The following RAMACL variants were observed in gnomAD, a reference collection of about 807,000 sequenced individuals.
RAMACL encodes the protein RNA guanine-7 methyltransferase activating subunit like, also known as RNA guanine-N7 methyltransferase-activating subunit-like protein.
A neutral mutation model predicts 13.4 loss-of-function variants in RAMACL; 9 were observed. The ratio of observed to expected loss-of-function variants is 0.67; its 90% CI spans 0.41 to 1.17. The LOEUF (loss-of-function observed/expected upper bound fraction) is 1.17. Ranked by LOEUF, RAMACL falls within the 50% of genes most tolerant of loss-of-function variation. The pLI is 0.01. For missense variants in RAMACL, 124 were observed against 141.6 expected (o/e 0.88, Z 0.63); for synonymous variants, 39 against 49.3 (o/e 0.79, Z 0.88).
chr6:166,585,769 G>C (rs889081932), exon 1 of RAMACL, among the ~76,000 whole-genome samples: 1 of 68,528 alleles, frequency 1.5e-5, no homozygotes, highest in Non-Finnish European at 2.4e-5. Context: ...TAAGCATATG[G>C]ATACTCTCTT....
At chr6:166,583,851 T>C (rs932923488), downstream of RAMACL, among the ~76,000 whole-genome samples, 1 of 152,212 alleles carries the variant, frequency 6.6e-6, no homozygotes, top group Admixed American at 6.5e-5. Context: ...TTTACTTCCA[T>C]GGGTTCTATC....
At chr6:166,583,240 T>C (rs733591), downstream of RAMACL, among the ~76,000 whole-genome samples, 87,933 of 152,056 alleles carry the variant, frequency 0.58, 26,688 homozygotes, top group African/African-American at 0.76. Flanking sequence ...GAAAGCACAC[T>C]GCCTCATCCA....
downstream of RAMACL, among the ~76,000 whole-genome samples, chr6:166,584,234 C>T (rs866516924): frequency 3.3e-5 from 5 of 152,202 alleles, no homozygotes; most frequent in African/African-American, 9.7e-5. Context: ...CTTCTTGCAG[C>T]GCCCTTTCGT....
exon 1 of RAMACL, chr6:166,586,052 C>T: frequency 1.3e-6 from 1 of 795,078 alleles, no homozygotes; most frequent in Non-Finnish European, 1.8e-6. Context: ...CTATGACCAA[C>T]AGAAGACACC....
downstream of RAMACL, among the ~76,000 whole-genome samples, chr6:166,585,498 C>CTTTTTTTTTTTTTTTTTT (rs58153048): frequency 2.3e-5 from 2 of 86,306 alleles, no homozygotes; most frequent in Non-Finnish European, 3.9e-5. Flanking sequence ...TCAAACAAGT[C>CTTTTTTTTTTTTTTTTTT]TTTTTTTTTT....
downstream of RAMACL, among the ~76,000 whole-genome samples, chr6:166,583,896 A>T (rs1468613407): frequency 6.6e-6 from 1 of 152,236 alleles, no homozygotes; most frequent in Non-Finnish European, 1.5e-5. Context: ...AACACAGTCA[A>T]CACAGTTGCT....
chr6:166,583,207 A>C (rs574521845), downstream of RAMACL, among the ~76,000 whole-genome samples: 18 of 152,246 alleles, frequency 1.2e-4, no homozygotes, highest in Non-Finnish European at 2.6e-4. Flanking sequence ...GTGAGCTAAA[A>C]GTGCTGAATT....
exon 1 of RAMACL, chr6:166,586,504 G>A: frequency 1.3e-6 from 2 of 1,582,438 alleles, no homozygotes; most frequent in South Asian, 1.1e-5. Context: ...GTTTGAGGCA[G>A]CTGTATTGCT....
downstream of RAMACL, among the ~76,000 whole-genome samples, chr6:166,583,525 C>T (rs979339270): frequency 6.6e-6 from 1 of 152,208 alleles, no homozygotes; most frequent in East Asian, 1.9e-4. Context: ...TGCTGAAACA[C>T]TGCGGAAGTC....
downstream of RAMACL, among the ~76,000 whole-genome samples, chr6:166,585,424 T>C (rs993041271): frequency 2.6e-5 from 4 of 152,048 alleles, no homozygotes; most frequent in Non-Finnish European, 5.9e-5. Context: ...CACATTTACT[T>C]ATAATTGTGT....
exon 1 of RAMACL, among the ~76,000 whole-genome samples, chr6:166,585,624 C>T (rs1249603342): frequency 2.1e-5 from 1 of 48,380 alleles, no homozygotes; most frequent in Admixed American, 2.8e-4. Flanking sequence ...AGTCACTTAA[C>T]AAATGCAAAA....
downstream of RAMACL, among the ~76,000 whole-genome samples, chr6:166,584,368 T>C (rs1225561156): frequency 1.3e-5 from 2 of 152,212 alleles, no homozygotes; most frequent in South Asian, 2.1e-4. Context: ...TTTCTCCACA[T>C]AGAATCACAC....
At chr6:166,586,230 T>C (rs909569868) in exon 1 of RAMACL, 8 of 1,593,612 alleles carry the variant, frequency 5.0e-6, no homozygotes, top group Non-Finnish European at 6.8e-6. Context: ...GGATCGTCCA[T>C]GCCACTGATT....
At chr6:166,586,158 T>C (rs1583302820) in exon 1 of RAMACL, 4 of 1,558,830 alleles carry the variant, frequency 2.6e-6, no homozygotes, top group Non-Finnish European at 3.4e-6. Context: ...GTTGTAACCA[T>C]AATGTCCATA....
downstream of RAMACL, among the ~76,000 whole-genome samples, chr6:166,584,076 G>C (rs1451861247): frequency 6.6e-6 from 1 of 152,208 alleles, no homozygotes; most frequent in Non-Finnish European, 1.5e-5. Context: ...TTCTTAGTCT[G>C]CCTGAGCTGC....
chr6:166,583,568 A>G (rs1357210704), downstream of RAMACL, among the ~76,000 whole-genome samples: 4 of 152,242 alleles, frequency 2.6e-5, no homozygotes, highest in African/African-American at 9.6e-5. Context: ...CCCACTGTCC[A>G]GAGGTGACAA....
chr6:166,583,436 C>T (rs1398273934), downstream of RAMACL, among the ~76,000 whole-genome samples: 1 of 152,174 alleles, frequency 6.6e-6, no homozygotes, highest in Non-Finnish European at 1.5e-5. Flanking sequence ...AGCACAGAGG[C>T]GAAAACCAAT....
chr6:166,585,489 C>T (rs774445108), downstream of RAMACL, among the ~76,000 whole-genome samples: 9 of 136,104 alleles, frequency 6.6e-5, no homozygotes, highest in Non-Finnish European at 1.2e-4. Flanking sequence ...AACATGACAT[C>T]AAACAAGTCT....
Position 166,586,513 on chromosome 6 carries a change from C to CT in RAMACL, c.-37dup, listed in dbSNP as rs1785179247. The CT allele has an allele frequency of 5.1e-6, 8 of 1,576,056 alleles. 1 individual carries two copies. Among genetic ancestry groups the CT allele is most frequent in the Middle Eastern group, 2.3e-4 (1 of 4,370 alleles). On this transcript the variant is annotated 5_prime_UTR_variant, in exon 1 of 1. Transcript: ENST00000444122. ...CCAAAGGTTTGAGGCAGCTGTATTG[C>CT]TTAATGTTTAGGTTGTTTAAATCCG...
Sources: gnomAD v4.1 joint callset for allele counts (sites outside exome capture counted in the v4.1 genomes callset) on GRCh38, gnomAD v4.1.1 for gene constraint, MANE v1.5 for transcripts, NCBI Gene and HGNC (gene_info 2026-07-23, HGNC 2026-07-21) for gene names.